KERA: variants seen among roughly 807,000 people sequenced by gnomAD.
KERA encodes the protein keratocan, also known as keratan sulfate proteoglycan keratocan.
Under a neutral mutation model 26.4 loss-of-function variants are expected in KERA, and 25 were observed. That is an observed-to-expected ratio of 0.95 (90% confidence interval 0.69 to 1.32). The LOEUF is 1.32. Ranked by LOEUF, KERA falls within the 40% of genes most tolerant of loss-of-function variation. The pLI, the probability that KERA is intolerant of heterozygous loss-of-function variation, is 0.00. For missense variants in KERA, 434 were observed against 408.9 expected (o/e 1.06, Z -0.53); for synonymous variants, 167 against 146.1 (o/e 1.14, Z -1.03).
chr12:91,053,658 C>T (rs910252322), intron 2 of KERA, among the ~76,000 whole-genome samples: 2 of 151,322 alleles, frequency 1.3e-5, no homozygotes, highest in African/African-American at 2.4e-5. Flanking sequence ...GATTCTGATG[C>T]ACACTCAGAT....
rs552688196 is a variant in KERA, at chr12:91,053,131, G to C, written c.887-1613C>G. The stretch of plus-strand genomic sequence containing the variant: ...CTTTGTTACAACTAGAGTAGATGAT[G>C]TGGCTAGAAGAAGCAAGTACTTAAA... On this transcript the variant is annotated intron_variant, in intron 2 of 2. Coordinates refer to ENST00000266719, the MANE Select transcript of KERA (RefSeq NM_007035.4). Among the ~76,000 whole-genome samples the C allele has an allele frequency of 6.6e-5, 10 of 151,468 alleles. No homozygotes were observed. In the South Asian group the frequency reaches 2.1e-3, roughly 31 times the overall value.
chr12:91,055,529 ATCTGAC>A lies in KERA; in HGVS notation c.747_752del (p.Ser250_Asp251del). On this transcript the variant is annotated inframe_deletion, in exon 2 of 3. Transcript: ENST00000266719. ...CAAATCCTCTTGATGGGAGACCCTC[ATCTGAC>A]AGTTTGTTGTGATTTAGTCTCAAAA... The A allele has an allele frequency of 6.2e-7, 1 of 1,610,408 alleles. No homozygotes were observed. The highest frequency in any genetic ancestry group is 8.5e-7 in the Non-Finnish European group (1 of 1,177,704).
chr12:91,055,523 A>T lies in KERA; in HGVS notation c.759T>A (p.Gly253=). The T allele has an allele frequency of 6.2e-7, 1 of 1,609,824 alleles. No homozygotes were observed. The highest frequency in any genetic ancestry group is 8.5e-7 in the Non-Finnish European group (1 of 1,177,524). Residue 253 remains glycine (G), a synonymous_variant, in exon 2 of 3, where the codon GGT becomes GGA. Transcript: ENST00000266719. The part of the protein sequence containing the change: ...RLNHNKLSDE[G]LPSRGFDVSS... The stretch of plus-strand genomic sequence containing the variant: ...ATACATCAAATCCTCTTGATGGGAG[A>T]CCCTCATCTGACAGTTTGTTGTGAT...
intron 2 of KERA, 77 bp from the exon 3 acceptor site, chr12:91,051,595 C>A: frequency 3.8e-6 from 4 of 1,046,934 alleles, no homozygotes; most frequent in Non-Finnish European, 5.9e-6. Flanking sequence ...AAAACTAATG[C>A]CATGGTCCTA....
At chr12:91,057,108 T>C (rs1216207937) in intron 1 of KERA, among the ~76,000 whole-genome samples, 1 of 150,592 alleles carries the variant, frequency 6.6e-6, no homozygotes, top group Non-Finnish European at 1.5e-5. Flanking sequence ...TACATGAGTA[T>C]TGTATTCAAC....
chr12:91,056,100 C>T lies in KERA; in HGVS notation c.182G>A (p.Arg61Lys), dbSNP rs751660260. ...SFPTALYCENRGLKEIPAIPS... is the reference protein window; with the variant it reads ...SFPTALYCENKGLKEIPAIPS... ...AATAGCAGGAATTTCTTTGAGACCT[C>T]TATTTTCACAATATAAAGCAGTAGG... is the stretch of plus-strand genomic sequence containing the variant. The change falls in exon 2 of 3, where the codon AGA (arginine) becomes AAA (lysine). Residue 61 changes from arginine to lysine, a missense_variant. Transcript: ENST00000266719. 6 of 1,609,678 alleles carry T rather than the reference C, an allele frequency of 3.7e-6. No individual in the cohort carries two copies. In the South Asian group the frequency reaches 6.6e-5, roughly 18 times the overall value.
chr12:91,056,354 T>C (rs1190728498), intron 1 of KERA, 65 bp from the exon 2 acceptor site: 3 of 1,254,960 alleles, frequency 2.4e-6, no homozygotes, highest in African/African-American at 3.0e-5. Context: ...ATTTTATACA[T>C]CAAAATGATC....
chr12:91,052,210 T>C (rs940352226), intron 2 of KERA, among the ~76,000 whole-genome samples: 22 of 151,594 alleles, frequency 1.5e-4, no homozygotes, highest in African/African-American at 4.8e-4. Flanking sequence ...ATGGTTAGGA[T>C]GGGAGTAATT....
At chr12:91,056,375 G>T in intron 1 of KERA, 86 bp from the exon 2 acceptor site, 1 of 1,067,526 alleles carries the variant, frequency 9.4e-7, no homozygotes, top group Non-Finnish European at 1.4e-6. Context: ...AGTAAACATT[G>T]CTTCTTCAGG....
intron 2 of KERA, among the ~76,000 whole-genome samples, chr12:91,054,431 C>G (rs1003210732): frequency 6.6e-6 from 1 of 151,250 alleles, no homozygotes; most frequent in Non-Finnish European, 1.5e-5. Context: ...TTTAAAGGGT[C>G]TACTCTGAGT....
chr12:91,051,657 G>T (rs1878871221), intron 2 of KERA, 139 bp from the exon 3 acceptor site: 1 of 681,302 alleles, frequency 1.5e-6, no homozygotes, highest in Non-Finnish European at 2.6e-6. Flanking sequence ...CAAAACATTT[G>T]TGTCAGTGAG....
Position 91,051,511 on chromosome 12 carries a change from A to T in KERA, c.894T>A (p.Asn298Lys), listed in dbSNP as rs1668368045. ...ATGGGCTGGGACATATTACAGAGAC[A>T]TTCACACCTACAGTGACAAAGAGAA... ...HLDHNKIKSV[N>K]VSVICPSPSM... The change falls in exon 3 of 3, where the codon AAT (asparagine) becomes AAA (lysine). Residue 298 changes from asparagine to lysine, a missense_variant. Coordinates refer to ENST00000266719, the MANE Select transcript of KERA (RefSeq NM_007035.4). 1 of 1,606,922 alleles carries T rather than the reference A, an allele frequency of 6.2e-7. No individual in the cohort carries two copies. The highest frequency in any genetic ancestry group is 8.5e-7 in the Non-Finnish European group (1 of 1,174,284).
At position 91,056,327 on chromosome 12, in the gene KERA, A is replaced by T. The variant is rs1057060712; in HGVS notation, c.-8-38T>A. The T allele has an allele frequency of 4.0e-6, 6 of 1,515,576 alleles. No homozygotes were observed. The African/African-American group carries it at 4.1e-5, about 10-fold the overall frequency. 93.9% of individuals were successfully genotyped at this position (1,515,576 alleles called of 1,614,324 possible). A position where few individuals can be genotyped will look rare whatever the true frequency, so the allele number is the denominator to read the frequency against. ...GAACACAACTGTTAGATATTTGAAG[A>T]TCTTGACCTTTAGATAATTTTATAC... On this transcript the variant is annotated intron_variant, in intron 1 of 2. Coordinates refer to ENST00000266719, the MANE Select transcript of KERA (RefSeq NM_007035.4).
At chr12:91,052,646 A>C (rs1286696650) in intron 2 of KERA, among the ~76,000 whole-genome samples, 2 of 151,526 alleles carry the variant, frequency 1.3e-5, no homozygotes. Context: ...CACAGGCTTT[A>C]TCAGCCAATA....
At chr12:91,052,308 A>G (rs1321814204) in intron 2 of KERA, among the ~76,000 whole-genome samples, 2 of 151,450 alleles carry the variant, frequency 1.3e-5, no homozygotes, top group Non-Finnish European at 3.0e-5. Flanking sequence ...TTAAACTAGC[A>G]AAATTCAGGG....
intron 2 of KERA, among the ~76,000 whole-genome samples, chr12:91,052,416 A>G (rs1878891086): frequency 6.6e-6 from 1 of 151,574 alleles, no homozygotes; most frequent in South Asian, 2.1e-4. Context: ...GATTAGACCC[A>G]CTGAACTTGG....
Position 91,055,799 on chromosome 12 carries a change from G to T in KERA, c.483C>A (p.Thr161=). 6.2e-7 allele frequency: 1 copy of T among 1,611,264 alleles called. No individual in the cohort carries two copies. The highest frequency in any genetic ancestry group is 8.5e-7 in the Non-Finnish European group (1 of 1,178,192). ...RNKVSRIPQG[T]FSNLENLTLL... is the part of the protein sequence containing the mutation. ...GGGTCAGGTTCTCCAGATTGCTAAA[G>T]GTCCCTTGAGGAATTCTGGACACCT... Residue 161 remains threonine (T), a synonymous_variant, in exon 2 of 3, where the codon ACC becomes ACA. Coordinates refer to ENST00000266719, the MANE Select transcript of KERA (RefSeq NM_007035.4).
At chr12:91,056,671 CTG>C (rs1879012671) in intron 1 of KERA, among the ~76,000 whole-genome samples, 1 of 151,208 alleles carries the variant, frequency 6.6e-6, no homozygotes, top group Admixed American at 6.6e-5. Context: ...AACTGGGAAT[CTG>C]TGTTGTTCCT....
intron 2 of KERA, among the ~76,000 whole-genome samples, chr12:91,055,177 T>A (rs1429826849): frequency 6.6e-6 from 1 of 151,142 alleles, no homozygotes; most frequent in African/African-American, 2.4e-5. Context: ...ATGACTCAAG[T>A]CCACTTTTTA....
Sources: allele counts gnomAD v4.1 joint callset (sites outside exome capture counted in the v4.1 genomes callset), GRCh38; gene constraint gnomAD v4.1.1; transcripts MANE v1.5; gene names NCBI Gene and HGNC (gene_info 2026-07-23, HGNC 2026-07-21).